Variants in FILIP1L observed in about 807,000 individuals in gnomAD.
FILIP1L encodes filamin A interacting protein 1 like, also known as filamin A-interacting protein 1-like.
FILIP1L carries 55 observed loss-of-function variants against 96.6 expected under a neutral mutation model. The ratio of observed to expected loss-of-function variants is 0.57; its 90% CI spans 0.46 to 0.71. The LOEUF (loss-of-function observed/expected upper bound fraction) is 0.71, where lower values mean the gene tolerates loss of function less well. Among genes scored for constraint, FILIP1L ranks in the 30% least tolerant of loss-of-function variants. The pLI is 0.00. For missense variants in FILIP1L, 1,304 were observed against 1,321.2 expected, an observed-to-expected ratio of 0.99 and a Z score of 0.20; for synonymous variants, 467 against 473.9, an observed-to-expected ratio of 0.99 and a Z score of 0.19.
chr3:100,053,679 A>G (rs932688221), intron 1 of FILIP1L, among the ~76,000 whole-genome samples: 2 of 152,222 alleles, frequency 1.3e-5, no homozygotes, highest in Non-Finnish European at 2.9e-5. Context: ...GAATCTTACT[A>G]CATTCTCTCA....
At position 100,053,116 on chromosome 3, in the gene FILIP1L, A is replaced by G. The variant is rs138910402; in HGVS notation, c.-11+60937T>C. Among the ~76,000 whole-genome samples the G allele has an allele frequency of 7.2e-3, 1,102 of 152,190 alleles. 4 individuals carry two copies. The highest frequency in any genetic ancestry group is 0.01 in the African/African-American group (418 of 41,502). On this transcript the variant is annotated intron_variant, in intron 1 of 5. Transcript: ENST00000477258. ...CCTGTGCCTTTATCTCTTAAACCCT[A>G]TATATTGCTCCAATTTGGGGCATAG...
chr3:100,008,813 C>T (rs1485995389), intron 1 of FILIP1L, among the ~76,000 whole-genome samples: 1 of 152,132 alleles, frequency 6.6e-6, no homozygotes, highest in Non-Finnish European at 1.5e-5. Context: ...AGCATAATGT[C>T]ATCAATAAAC....
chr3:99,876,315 C>A (rs1705518460), intron 4 of FILIP1L: 4 of 555,988 alleles, frequency 7.2e-6, no homozygotes, highest in Non-Finnish European at 9.1e-6. Flanking sequence ...GCCACACACC[C>A]CAGCTCCCGC....
At chr3:100,091,284 CAAAA>C (rs570908389) in intron 1 of FILIP1L, among the ~76,000 whole-genome samples, 3 of 59,104 alleles carry the variant, frequency 5.1e-5, no homozygotes, top group African/African-American at 6.1e-5. Flanking sequence ...GACTCCGTCT[CAAAA>C]AAAAAAAAAA....
intron 1 of FILIP1L, among the ~76,000 whole-genome samples, chr3:99,966,578 C>A (rs1172773107): frequency 6.6e-6 from 1 of 152,166 alleles, no homozygotes; most frequent in African/African-American, 2.4e-5. Flanking sequence ...ACAAGTAGGA[C>A]AACTATTATT....
intron 1 of FILIP1L, among the ~76,000 whole-genome samples, chr3:99,934,796 A>G (rs1275197658): frequency 1.3e-5 from 2 of 152,230 alleles, no homozygotes; most frequent in Non-Finnish European, 2.9e-5. Context: ...GATGATATTC[A>G]TAAGTGGTAA....
At chr3:99,931,067 A>G in intron 1 of FILIP1L, 37 bp from the exon 2 acceptor site, 1 of 1,575,710 alleles carries the variant, frequency 6.3e-7, no homozygotes, top group South Asian at 1.2e-5. Flanking sequence ...AGCTTAATGG[A>G]AATGGAGTTT....
chr3:100,027,580 A>G (rs553424375), intron 1 of FILIP1L, among the ~76,000 whole-genome samples: 1 of 152,104 alleles, frequency 6.6e-6, no homozygotes, highest in East Asian at 1.9e-4. Flanking sequence ...GTACCCTCCT[A>G]CTTCCACCCT....
chr3:99,951,245 T>G (rs1708167668), intron 1 of FILIP1L, among the ~76,000 whole-genome samples: 1 of 152,162 alleles, frequency 6.6e-6, no homozygotes, highest in Non-Finnish European at 1.5e-5. Context: ...CATAACCACA[T>G]TATACACTCT....
At chr3:100,053,656 G>A (rs529350592) in intron 1 of FILIP1L, among the ~76,000 whole-genome samples, 1 of 152,230 alleles carries the variant, frequency 6.6e-6, no homozygotes, top group South Asian at 2.1e-4. Context: ...ATTCAACCTG[G>A]TACAGCCAGT....
At chr3:99,905,735 G>A (rs141138686) in intron 4 of FILIP1L, among the ~76,000 whole-genome samples, 1 of 152,260 alleles carries the variant, frequency 6.6e-6, no homozygotes, top group African/African-American at 2.4e-5. Context: ...GCCACCATTT[G>A]ATGTCTATTA....
At chr3:100,065,133 T>C (rs1481367475) in intron 1 of FILIP1L, among the ~76,000 whole-genome samples, 3 of 152,174 alleles carry the variant, frequency 2.0e-5, no homozygotes, top group South Asian at 4.1e-4. Context: ...AATTAATATA[T>C]ACACTGGGCA....
chr3:99,949,339 C>G (rs936372356), intron 1 of FILIP1L, among the ~76,000 whole-genome samples: 1 of 152,034 alleles, frequency 6.6e-6, no homozygotes, highest in African/African-American at 2.4e-5. Flanking sequence ...TAAATAAAAC[C>G]CTCCATAGTT....
rs534181679 is a variant in FILIP1L at position 99,961,843 on chromosome 3, G to A, written c.-10-30813C>T. Among the ~76,000 whole-genome samples, 14 of 152,020 alleles carry A rather than the reference G, an allele frequency of 9.2e-5. No individual in the cohort carries two copies. The East Asian group carries it at 2.3e-3, about 25-fold the overall frequency. ...AACCTATTTTCTTATGTCATAGTTC[G>A]TTTGTACATTTGTAGAGCACAAACC... On this transcript the variant is annotated intron_variant, in intron 1 of 5. Coordinates refer to ENST00000477258, the MANE Select transcript of FILIP1L (RefSeq NM_001387850.1).
At chr3:100,053,707 G>A (rs2065413121) in intron 1 of FILIP1L, among the ~76,000 whole-genome samples, 1 of 152,086 alleles carries the variant, frequency 6.6e-6, no homozygotes. Context: ...GAGCATTTAG[G>A]GGTCTACACT....
chr3:100,035,810 C>G (rs1222449587), intron 1 of FILIP1L, among the ~76,000 whole-genome samples: 1 of 152,166 alleles, frequency 6.6e-6, no homozygotes, highest in Non-Finnish European at 1.5e-5. Flanking sequence ...CAGTCATCAA[C>G]TCATGGCCAA....
At chr3:99,868,542 C>G (rs2107575530) in intron 4 of FILIP1L, among the ~76,000 whole-genome samples, 1 of 152,322 alleles carries the variant, frequency 6.6e-6, no homozygotes, top group East Asian at 1.9e-4. Flanking sequence ...ACTGCTTCAT[C>G]ACGTTTAAGC....
intron 1 of FILIP1L, among the ~76,000 whole-genome samples, chr3:100,087,478 A>G (rs991522611): frequency 2.0e-5 from 3 of 152,186 alleles, no homozygotes; most frequent in East Asian, 1.9e-4. Context: ...TATTTCCACA[A>G]TGACTAATGG....
At chr3:100,030,289 A>G (rs1258097323) in intron 1 of FILIP1L, among the ~76,000 whole-genome samples, 17 of 152,066 alleles carry the variant, frequency 1.1e-4, no homozygotes, top group Admixed American at 1.1e-3. Flanking sequence ...TGAGAAAGGG[A>G]TCTATGCCAC....
Sources: gnomAD v4.1 joint callset for allele counts (sites outside exome capture counted in the v4.1 genomes callset) on GRCh38, gnomAD v4.1.1 for gene constraint, MANE v1.5 for transcripts, NCBI Gene and HGNC (gene_info 2026-07-23, HGNC 2026-07-21) for gene names.